Variants in CEP112 observed in about 807,000 individuals in gnomAD.
The protein encoded by CEP112 is centrosomal protein 112.
In CEP112, 127 loss-of-function variants were observed where a neutral mutation model predicts 153.0. That is an observed-to-expected ratio of 0.83 (90% CI 0.72 to 0.96). CEP112 has a LOEUF of 0.96. Ranked by LOEUF, CEP112 falls within the 40% of genes least tolerant of loss-of-function variation. The pLI is 0.00. For missense variants in CEP112, 1,089 were observed against 1,101.2 expected, an observed-to-expected ratio of 0.99 and a Z score of 0.16; for synonymous variants, 358 against 374.4, an observed-to-expected ratio of 0.96 and a Z score of 0.51.
chr17:65,822,765 T>C lies in CEP112; in HGVS notation c.2394+29039A>G, dbSNP rs112155253. ...GAAAAATAAAATATGTTGACATATG[T>C]GGCATAATTAAAATTAATCCTTCAT... On this transcript the variant is annotated intron_variant, in intron 21 of 26. Transcript: ENST00000535342. Among the ~76,000 whole-genome samples, 857 of 152,298 alleles carry C rather than the reference T, an allele frequency of 5.6e-3. 11 individuals are homozygous for C. Among genetic ancestry groups the C allele is most frequent in the African/African-American group, 0.019 (803 of 41,584 alleles).
At chr17:66,048,505 C>G (rs2066308010) in intron 12 of CEP112, among the ~76,000 whole-genome samples, 1 of 152,148 alleles carries the variant, frequency 6.6e-6, no homozygotes, top group African/African-American at 2.4e-5. Context: ...ATTAAGGCCT[C>G]AATGTTAAAG....
At chr17:65,673,343 C>T (rs2047077758) in intron 24 of CEP112, among the ~76,000 whole-genome samples, 1 of 152,190 alleles carries the variant, frequency 6.6e-6, no homozygotes, top group African/African-American at 2.4e-5. Context: ...CCCTCTTTTG[C>T]CACATTTGCC....
rs534407866 is a variant in CEP112 at position 65,846,557 on chromosome 17, TTTTTG to T, written c.2394+5242_2394+5246del. 4.4e-3 allele frequency among the ~76,000 whole-genome samples: 667 copies of T among 152,166 alleles called. 1 individual carries two copies. The highest frequency in any genetic ancestry group is 7.9e-3 in the Non-Finnish European group (538 of 68,002). ...TGAATTTCTCAGTAGATTATCATTC[TTTTTG>T]TTTTGTTTTGTTTTGTTTTGTTTTG... On this transcript the variant is annotated intron_variant, in intron 21 of 26. Coordinates refer to ENST00000535342, the MANE Select transcript of CEP112 (RefSeq NM_001199165.4).
intron 21 of CEP112, among the ~76,000 whole-genome samples, chr17:65,784,401 CA>C (rs1023770685): frequency 2.6e-5 from 4 of 152,154 alleles, no homozygotes; most frequent in African/African-American, 7.2e-5. Flanking sequence ...ACTTTAAACC[CA>C]AAAGAACTAT....
intron 20 of CEP112, among the ~76,000 whole-genome samples, chr17:65,899,436 A>T (rs1056806860): frequency 6.6e-6 from 1 of 152,154 alleles, no homozygotes; most frequent in Admixed American, 6.5e-5. Flanking sequence ...AAATGAGGAG[A>T]CTACTTCATT....
intron 24 of CEP112, among the ~76,000 whole-genome samples, chr17:65,651,020 T>C (rs1398737070): frequency 1.3e-5 from 2 of 152,096 alleles, no homozygotes; most frequent in Non-Finnish European, 2.9e-5. Flanking sequence ...TTTGGGAAAA[T>C]TTGGTGCAAA....
At chr17:65,937,565 G>A (rs1261103438) in intron 18 of CEP112, among the ~76,000 whole-genome samples, 12 of 98,384 alleles carry the variant, frequency 1.2e-4, no homozygotes, top group East Asian at 1.0e-3. Flanking sequence ...CGGGAGGGAG[G>A]TGGGGGGGGT....
rs542878775 is a variant in CEP112, at chr17:65,958,253, T to C, written c.1872+3210A>G. Among the ~76,000 whole-genome samples, 10 of 152,244 alleles carry C rather than the reference T, an allele frequency of 6.6e-5. No individual in the cohort carries two copies. In the South Asian group the frequency reaches 8.3e-4, roughly 13 times the overall value. ...GGTATATATTATATGAGCTCTTATA[T>C]ATAAGAACATGCTTTCCTATTGTTT... is the stretch of plus-strand genomic sequence containing the variant. On this transcript the variant is annotated intron_variant, in intron 18 of 26. Transcript: ENST00000535342.
intron 6 of CEP112, among the ~76,000 whole-genome samples, chr17:66,102,304 A>AAAGTAAT (rs1289357950): frequency 6.6e-6 from 1 of 152,216 alleles, no homozygotes; most frequent in African/African-American, 2.4e-5. Context: ...AACTCTACAT[A>AAAGTAAT]AAGTAATAAA....
intron 23 of CEP112, among the ~76,000 whole-genome samples, chr17:65,740,115 T>C (rs2051044298): frequency 6.6e-6 from 1 of 152,198 alleles, no homozygotes; most frequent in South Asian, 2.1e-4. Context: ...TATCTATATG[T>C]TTTGGGATGT....
intron 17 of CEP112, among the ~76,000 whole-genome samples, chr17:65,974,575 A>G (rs2062963022): frequency 6.6e-6 from 1 of 152,222 alleles, no homozygotes; most frequent in Admixed American, 6.5e-5. Context: ...ACAGCATCAC[A>G]TGCAACTGCA....
At chr17:65,684,161 T>TA (rs2047672398) in intron 24 of CEP112, among the ~76,000 whole-genome samples, 1 of 152,212 alleles carries the variant, frequency 6.6e-6, no homozygotes, top group African/African-American at 2.4e-5. Context: ...ATCTATAACT[T>TA]ATTCATCTTC....
chr17:65,927,655 T>C lies in CEP112; in HGVS notation c.1907A>G (p.Lys636Arg), dbSNP rs200028143. 58 of 1,598,912 alleles carry C rather than the reference T, an allele frequency of 3.6e-5. No homozygotes were observed. In the East Asian group the frequency reaches 1.0e-3, roughly 28 times the overall value. The stretch of plus-strand genomic sequence containing the variant: ...CTTTGATTGTTTCTCACGAAGAGAT[T>C]TGGATCTAGTTAGATCTGCCTCCAC... ...EKVEADLTRS[K>R]SLREKQSKEF... Residue 636 changes from lysine to arginine, a missense_variant, in exon 19 of 27, where the codon AAA (lysine) becomes AGA (arginine). Coordinates refer to ENST00000535342, the MANE Select transcript of CEP112 (RefSeq NM_001199165.4).
intron 19 of CEP112, chr17:65,913,671 T>C (rs1424312107): frequency 1.0e-6 from 1 of 985,394 alleles, no homozygotes; most frequent in Non-Finnish European, 1.2e-6. Flanking sequence ...TTAGAGATGG[T>C]ACCAGGGCCT....
chr17:65,779,094 G>T (rs2053857009), intron 21 of CEP112, among the ~76,000 whole-genome samples: 1 of 152,088 alleles, frequency 6.6e-6, no homozygotes, highest in Admixed American at 6.5e-5. Flanking sequence ...AATATTTAAA[G>T]AAAGTTGATG....
chr17:65,729,924 C>G (rs1355065246), intron 23 of CEP112, among the ~76,000 whole-genome samples: 1 of 116,862 alleles, frequency 8.6e-6, no homozygotes, highest in Non-Finnish European at 1.6e-5. Flanking sequence ...AACAAACAAA[C>G]AAACAAACAA....
chr17:65,783,681 A>G (rs1314956004), intron 21 of CEP112, among the ~76,000 whole-genome samples: 1 of 152,228 alleles, frequency 6.6e-6, no homozygotes, highest in Non-Finnish European at 1.5e-5. Context: ...ATAATATTCA[A>G]AATGTTTGAA....
At chr17:66,108,978 C>G (rs1487842434) in intron 6 of CEP112, among the ~76,000 whole-genome samples, 2 of 152,172 alleles carry the variant, frequency 1.3e-5, no homozygotes, top group East Asian at 3.9e-4. Context: ...CTGGATGGAA[C>G]TGGAGATCAT....
chr17:65,743,162 T>C lies in CEP112; in HGVS notation c.2513A>G (p.Gln838Arg), dbSNP rs1187845001. The C allele has an allele frequency of 6.2e-7, 1 of 1,613,002 alleles. No individual in the cohort carries two copies. Among genetic ancestry groups the C allele is most frequent in the East Asian group, 2.2e-5 (1 of 44,886 alleles). Residue 838 changes from glutamine to arginine, a missense_variant, in exon 23 of 27, where the codon CAG (glutamine) becomes CGG (arginine). Transcript: ENST00000535342. ...GAGCCGCCTTTCTGCAGCAAGCTGC[T>C]GCTGGCTGTTCTCTTCTTTCAGAGA... is the stretch of plus-strand genomic sequence containing the variant. ...ISSLKEENSQ[Q>R]QLAAERRLQD...
Sources: allele counts gnomAD v4.1 joint callset (sites outside exome capture counted in the v4.1 genomes callset), GRCh38; gene constraint gnomAD v4.1.1; transcripts MANE v1.5; gene names NCBI Gene and HGNC (gene_info 2026-07-23, HGNC 2026-07-21).